The following OSTF1 variants were observed in gnomAD, a reference collection of about 807,000 sequenced individuals.
OSTF1 encodes the protein osteoclast stimulating factor 1.
OSTF1 carries 27 observed loss-of-function variants against 37.2 expected under a neutral mutation model. The observed-to-expected ratio is 0.73, with a 90% confidence interval of 0.54 to 1.00. The LOEUF (loss-of-function observed/expected upper bound fraction) is 1.00. Ranked by LOEUF, OSTF1 falls within the 50% of genes least tolerant of loss-of-function variation. The pLI is 0.00. For missense variants in OSTF1, 232 were observed against 253.8 expected (o/e 0.91, Z 0.58); for synonymous variants, 82 against 89.2 (o/e 0.92, Z 0.46).
At chr9:75,131,897 C>A in intron 5 of OSTF1, 74 bp downstream of exon 5, 1 of 1,050,100 alleles carries the variant, frequency 9.5e-7, no homozygotes, top group Non-Finnish European at 1.5e-6. Flanking sequence ...TTGACAAGTG[C>A]ATACACCCAC....
intron 2 of OSTF1, among the ~76,000 whole-genome samples, chr9:75,125,129 TC>T (rs952967638): frequency 3.9e-5 from 6 of 152,142 alleles, no homozygotes; most frequent in Non-Finnish European, 8.8e-5. Context: ...CATTCTCCCC[TC>T]CCAGGCCTTA....
intron 1 of OSTF1, among the ~76,000 whole-genome samples, chr9:75,091,209 C>G (rs189909356): frequency 9.9e-5 from 15 of 151,550 alleles, no homozygotes; most frequent in Non-Finnish European, 2.1e-4. Flanking sequence ...CTCAGCCTCC[C>G]GAGCAGCTGG....
In OSTF1 at chr9:75,117,034, G is replaced by A. The variant is rs1038213742; in HGVS notation, c.35-470G>A. 2.0e-5 allele frequency among the ~76,000 whole-genome samples: 3 copies of A among 151,772 alleles called. No homozygotes were observed. In the East Asian group the frequency reaches 5.8e-4, roughly 29 times the overall value. On this transcript the variant is annotated intron_variant, in intron 1 of 9. Coordinates refer to ENST00000346234, the MANE Select transcript of OSTF1 (RefSeq NM_012383.5). ...TGCTGCTACTTATATATTTTTCTAT[G>A]TAGTCACATTGATATATAATGATAT...
intron 2 of OSTF1, among the ~76,000 whole-genome samples, chr9:75,121,010 A>G (rs77499568): frequency 0.13 from 19,118 of 152,176 alleles, 1,628 homozygotes; most frequent in African/African-American, 0.23. Context: ...CTGCTCATAG[A>G]CACAGCGTCT....
intron 2 of OSTF1, among the ~76,000 whole-genome samples, chr9:75,120,033 A>T (rs767878707): frequency 6.6e-6 from 1 of 151,992 alleles, no homozygotes; most frequent in Admixed American, 6.6e-5. Flanking sequence ...AACTTAGTTA[A>T]CTCTAAAGTC....
intron 1 of OSTF1, among the ~76,000 whole-genome samples, chr9:75,091,038 C>T (rs1307087903): frequency 1.3e-5 from 2 of 150,132 alleles, no homozygotes; most frequent in Admixed American, 1.3e-4. Context: ...GGGGATGTAG[C>T]AGGCAGTATT....
chr9:75,145,967 A>C (rs1039663468), intron 9 of OSTF1, among the ~76,000 whole-genome samples: 1 of 152,200 alleles, frequency 6.6e-6, no homozygotes, highest in African/African-American at 2.4e-5. Context: ...CTTAGAGATC[A>C]TGAAGATCTG....
intron 1 of OSTF1, among the ~76,000 whole-genome samples, chr9:75,090,317 GT>G (rs1824949662): frequency 7.1e-6 from 1 of 140,678 alleles, no homozygotes; most frequent in African/African-American, 2.8e-5. Context: ...GTGTGTGTGT[GT>G]GTGTGTGTGT....
intron 1 of OSTF1, among the ~76,000 whole-genome samples, chr9:75,100,763 A>T (rs192938522): frequency 4.0e-5 from 6 of 151,152 alleles, no homozygotes; most frequent in African/African-American, 1.5e-4. Context: ...GAGCAGCTGC[A>T]ACCTCAGGGG....
chr9:75,120,644 A>G (rs929164623), intron 2 of OSTF1, among the ~76,000 whole-genome samples: 1 of 151,782 alleles, frequency 6.6e-6, no homozygotes, highest in Non-Finnish European at 1.5e-5. Context: ...GCCTTTCCTC[A>G]CTGCCTACAG....
chr9:75,128,552 C>CATATAT (rs58960713), intron 3 of OSTF1, among the ~76,000 whole-genome samples: 2 of 2,878 alleles, frequency 6.9e-4, no homozygotes, highest in Non-Finnish European at 1.7e-3. Context: ...ATATTTTGTC[C>CATATAT]ATATATATAT....
intron 1 of OSTF1, among the ~76,000 whole-genome samples, chr9:75,107,332 C>A (rs902953709): frequency 1.3e-5 from 2 of 151,952 alleles, no homozygotes; most frequent in African/African-American, 4.8e-5. Context: ...GAGATGATGA[C>A]ACTATTTTTT....
At chr9:75,130,995 C>G (rs1268540251) in intron 4 of OSTF1, among the ~76,000 whole-genome samples, 4 of 152,054 alleles carry the variant, frequency 2.6e-5, no homozygotes, top group Non-Finnish European at 4.4e-5. Flanking sequence ...AGTAACCCGG[C>G]CTTGTTCATT....
rs948136322 is a variant in OSTF1 at position 75,106,977 on chromosome 9, G to GA, written c.35-10518dup. 1.0e-4 allele frequency among the ~76,000 whole-genome samples: 11 copies of GA among 105,374 alleles called. No homozygotes were observed. In the South Asian group the frequency reaches 1.7e-3, roughly 16 times the overall value. The allele number at this position is 105,374 out of a possible 152,430, so 69.1% of individuals were successfully genotyped here. The stretch of plus-strand genomic sequence containing the variant: ...CGGAAAAAAAAAAGAAAAAGAAAAA[G>GA]AAAAAAAAAGAAAAAAAAAAAAAAG... On this transcript the variant is annotated intron_variant, in intron 1 of 9. Coordinates refer to ENST00000346234, the MANE Select transcript of OSTF1 (RefSeq NM_012383.5).
intron 1 of OSTF1, among the ~76,000 whole-genome samples, chr9:75,113,176 T>G (rs1214979839): frequency 3.3e-5 from 5 of 152,140 alleles, no homozygotes; most frequent in African/African-American, 9.7e-5. Context: ...TTAAGATGTT[T>G]AGAAGAATGA....
At chr9:75,106,286 A>G (rs1158766950) in intron 1 of OSTF1, among the ~76,000 whole-genome samples, 1 of 152,234 alleles carries the variant, frequency 6.6e-6, no homozygotes, top group Non-Finnish European at 1.5e-5. Context: ...ACTATTGGAC[A>G]TTGTTATACT....
chr9:75,146,308 A>T (rs1243000610), intron 9 of OSTF1, among the ~76,000 whole-genome samples: 1 of 152,202 alleles, frequency 6.6e-6, no homozygotes, highest in African/African-American at 2.4e-5. Context: ...CTACCTAGTG[A>T]CTTTGCCTTT....
intron 6 of OSTF1, among the ~76,000 whole-genome samples, chr9:75,133,666 A>G (rs1825801382): frequency 1.3e-5 from 2 of 152,216 alleles, no homozygotes; most frequent in African/African-American, 4.8e-5. Context: ...ACTGGAAAAC[A>G]GCAGTAATAT....
chr9:75,135,926 A>G (rs1587473972), intron 7 of OSTF1, among the ~76,000 whole-genome samples: 1 of 152,220 alleles, frequency 6.6e-6, no homozygotes, highest in African/African-American at 2.4e-5. Context: ...TTCTTCCTCA[A>G]GGCCAGAAGG....
Sources: gnomAD v4.1 joint callset for allele counts (sites outside exome capture counted in the v4.1 genomes callset) on GRCh38, gnomAD v4.1.1 for gene constraint, MANE v1.5 for transcripts, NCBI Gene and HGNC (gene_info 2026-07-23, HGNC 2026-07-21) for gene names.